PIK3C2B: variants seen among roughly 807,000 people sequenced by gnomAD.
The protein encoded by PIK3C2B is phosphatidylinositol 4-phosphate 3-kinase C2 domain-containing subunit beta.
PIK3C2B carries 83 observed loss-of-function variants against 184.3 expected under a neutral mutation model. The ratio of observed to expected loss-of-function variants is 0.45; its 90% CI spans 0.38 to 0.54. The LOEUF (loss-of-function observed/expected upper bound fraction) is 0.54. PIK3C2B is among the 20% of genes least tolerant of loss of function. The pLI is 0.00. For synonymous variants in PIK3C2B, 779 were observed against 837.6 expected (o/e 0.93, Z 1.21); for missense variants, 1,736 against 2,113.5 (o/e 0.82, Z 3.50).
At chr1:204,479,342 C>G (rs1012273386) in intron 1 of PIK3C2B, among the ~76,000 whole-genome samples, 3 of 152,030 alleles carry the variant, frequency 2.0e-5, no homozygotes, top group Non-Finnish European at 2.9e-5. Flanking sequence ...AGGGACTCCT[C>G]CAGCTTTCTT....
At chr1:204,493,524 A>AACACACACACACACACACAC (rs3038310) in intron 1 of PIK3C2B, among the ~76,000 whole-genome samples, 3,744 of 143,860 alleles carry the variant, frequency 0.026, 106 homozygotes, top group African/African-American at 0.052. Flanking sequence ...AATGGCAGAA[A>AACACACACACACACACACAC]ACACACACAC....
intron 1 of PIK3C2B, among the ~76,000 whole-genome samples, chr1:204,483,938 C>A (rs1225517400): frequency 6.6e-6 from 1 of 152,306 alleles, no homozygotes; most frequent in East Asian, 1.9e-4. Context: ...GCTGGATGAG[C>A]GACCAGGGTG....
At chr1:204,463,527 G>A (rs924899994) in intron 5 of PIK3C2B, among the ~76,000 whole-genome samples, 23 of 152,234 alleles carry the variant, frequency 1.5e-4, no homozygotes, top group Non-Finnish European at 2.2e-4. Flanking sequence ...CTAGCTGCAC[G>A]GGCCAGCTGG....
chr1:204,430,040 T>C lies in PIK3C2B; in HGVS notation c.4281-2A>G, dbSNP rs1674958332. The C allele has an allele frequency of 3.8e-6, 6 of 1,599,836 alleles. No homozygotes were observed. The highest frequency in any genetic ancestry group is 4.3e-6 in the Non-Finnish European group (5 of 1,173,472). The stretch of plus-strand genomic sequence containing the variant: ...CCGATCACGAAGCGACTAGGGAAGC[T>C]GGCGTGGCAGCGTAGGCAGCGGGGA... On this transcript the variant is annotated splice_acceptor_variant, in intron 28 of 32. Transcript: ENST00000684373. LOFTEE classifies it high-confidence loss of function.
rs147753985 is a variant in PIK3C2B, at chr1:204,427,792, C to G, written c.4481-38G>C. 1.7e-3 allele frequency: 2,509 copies of G among 1,452,310 alleles called. 2 individuals carry two copies. Among genetic ancestry groups the G allele is most frequent in the Non-Finnish European group, 2.2e-3 (2,270 of 1,034,194 alleles). The allele number at this position is 1,452,310 out of a possible 1,614,324, so 90.0% of individuals were successfully genotyped here. On this transcript the variant is annotated intron_variant, in intron 30 of 32. Transcript: ENST00000684373. ...ATGAAACCATGAAGGGTCAAGAGGC[C>G]AGGCAGGTGTTTCTGTTTTCTTCCT... is the stretch of plus-strand genomic sequence containing the variant.
In PIK3C2B at chr1:204,456,890, A is replaced by C. The variant is rs548681169; in HGVS notation, c.1747+147T>G. 2.9e-5 allele frequency: 15 copies of C among 519,450 alleles called. 2 individuals carry two copies. In the East Asian group the frequency reaches 5.4e-4, roughly 19 times the overall value. 32.2% of individuals were successfully genotyped at this position (519,450 alleles called of 1,614,324 possible). On this transcript the variant is annotated intron_variant, in intron 10 of 32. Coordinates refer to ENST00000684373, the MANE Select transcript of PIK3C2B (RefSeq NM_001377334.1). ...CATATAGGAACACACACACACACACACACACACACACACACACCCACACAC... is the reference window on the plus strand; with the variant it reads ...CATATAGGAACACACACACACACACCCACACACACACACACACCCACACAC...
At chr1:204,456,270 A>G in intron 10 of PIK3C2B, 1 of 408,866 alleles carries the variant, frequency 2.4e-6, no homozygotes, top group Non-Finnish European at 4.3e-6. Context: ...ACAATGTTAA[A>G]CATAATCCTT....
In PIK3C2B at chr1:204,455,960, G is replaced by C. The variant is rs765459487; in HGVS notation, c.1839C>G (p.Pro613=). Residue 613 remains proline (P), a synonymous_variant, in exon 11 of 33, where the codon CCC becomes CCG. Transcript: ENST00000684373. Reference sequence around the variant, plus strand: ...GGACCAGGTCATGCTTGCGGCTCCCGGGCACTGCCGTCTGGAAGTCTGCGT... The same window carrying C: ...GGACCAGGTCATGCTTGCGGCTCCCCGGCACTGCCGTCTGGAAGTCTGCGT... ...TFNADFQTAV[P]GSRKHDLVQE... is the part of the protein sequence containing the mutation. 6.8e-6 allele frequency: 11 copies of C among 1,613,972 alleles called. No homozygotes were observed. The Admixed American group carries it at 1.5e-4, about 22-fold the overall frequency.
Position 204,447,328 on chromosome 1 carries a change from T to C in PIK3C2B, c.2489+108A>G, listed in dbSNP as rs183755881. 502 of 1,074,882 alleles carry C rather than the reference T, an allele frequency of 4.7e-4. 1 individual carries two copies. In the African/African-American group the frequency reaches 6.7e-3, roughly 14 times the overall value. 66.6% of individuals were successfully genotyped at this position (1,074,882 alleles called of 1,614,324 possible). A position where few individuals can be genotyped will look rare whatever the true frequency, so the allele number is the denominator to read the frequency against. ...GGGCTGCCTCCACTTCCTGCTGAGA[T>C]GGCAATGCCCACCCCTTCCCACCTC... On this transcript the variant is annotated intron_variant, in intron 15 of 32. Coordinates refer to ENST00000684373, the MANE Select transcript of PIK3C2B (RefSeq NM_001377334.1). The surrounding 1 kb of genome is among the most constrained non-coding windows in gnomAD (Gnocchi z 4.1).
intron 20 of PIK3C2B, 31 bp downstream of exon 20, chr1:204,442,495 T>A: frequency 6.9e-7 from 1 of 1,453,948 alleles, no homozygotes; most frequent in South Asian, 1.2e-5. Flanking sequence ...GCCCTCCCAC[T>A]CTGAGAGCCC....
rs373209809 is a variant in PIK3C2B at position 204,457,061 on chromosome 1, C to A, written c.1723G>T (p.Val575Phe). Residue 575 changes from valine to phenylalanine, a missense_variant, in exon 10 of 33, where the codon GTC (valine) becomes TTC (phenylalanine). Transcript: ENST00000684373. ...CCTCGGTTTTCCCTCACAGCCAAGA[C>A]ACTGGGATCCTGTTGGGAAAAAGAA... ...MQPKIQKDPS[V>F]LAVRENREKV... 41 of 1,565,052 alleles carry A rather than the reference C, an allele frequency of 2.6e-5. No homozygotes were observed. Among genetic ancestry groups the A allele is most frequent in the Non-Finnish European group, 3.5e-5 (40 of 1,153,418 alleles).
intron 1 of PIK3C2B, among the ~76,000 whole-genome samples, chr1:204,475,131 C>T (rs1039027637): frequency 1.3e-5 from 2 of 152,156 alleles, no homozygotes; most frequent in African/African-American, 4.8e-5. Flanking sequence ...TTTCACAGAA[C>T]ATCCTGAGGG....
At position 204,449,899 on chromosome 1, in the gene PIK3C2B, C is replaced by T. The variant is rs765577338; in HGVS notation, c.2185G>A (p.Val729Met). 6.2e-7 allele frequency: 1 copy of T among 1,613,624 alleles called. No homozygotes were observed. Among genetic ancestry groups the T allele is most frequent in the Non-Finnish European group, 8.5e-7 (1 of 1,179,828 alleles). ...GTGACCCAGCCCAGGGCTTCAGGCA[C>T]CCGCCGCTGCTTATTGGCCTCTGAG... ...SSSEANKQRR[V>M]PEALGWVTTP... Residue 729 changes from valine (V) to methionine (M), a missense_variant, in exon 13 of 33, where the codon GTG becomes ATG. Val to Met is a conservative substitution (Grantham distance 21, BLOSUM62 1). Transcript: ENST00000684373.
At chr1:204,430,105 G>T in intron 28 of PIK3C2B, 67 bp from the exon 29 acceptor site, 2 of 994,082 alleles carry the variant, frequency 2.0e-6, no homozygotes, top group Admixed American at 2.0e-5. Flanking sequence ...GGACACAATG[G>T]GCTTTTTTCA....
chr1:204,482,117 G>A (rs950642374), intron 1 of PIK3C2B, among the ~76,000 whole-genome samples: 6 of 23,924 alleles, frequency 2.5e-4, no homozygotes, highest in African/African-American at 3.3e-4. Flanking sequence ...GACGGGGGGG[G>A]GGGGGGGGGT....
In PIK3C2B at chr1:204,457,848, C is replaced by T; in HGVS notation, c.1593G>A (p.Arg531=). 2 of 1,613,080 alleles carry T rather than the reference C, an allele frequency of 1.2e-6. No individual in the cohort carries two copies. Among genetic ancestry groups the T allele is most frequent in the Non-Finnish European group, 1.7e-6 (2 of 1,179,710 alleles). The change falls in exon 9 of 33, where the codon AGG becomes AGA. Residue 531 remains arginine (R), a synonymous_variant. Transcript: ENST00000684373. The part of the protein sequence containing the change: ...ADGDFPLKAD[R]VVQSVKAICN... ...AGATGGCCTTGACGGACTGGACCACCCTGTCAGCCTTCAGTGGGAAGTCTC... is the reference window on the plus strand; with the variant it reads ...AGATGGCCTTGACGGACTGGACCACTCTGTCAGCCTTCAGTGGGAAGTCTC...
chr1:204,464,222 A>G (rs1224020322), intron 4 of PIK3C2B, 90 bp from the exon 5 acceptor site: 7 of 1,445,352 alleles, frequency 4.8e-6, no homozygotes, highest in Non-Finnish European at 6.7e-6. Flanking sequence ...TTTCCAGCTA[A>G]GTATTCTCCA....
rs373168709 is a variant in PIK3C2B, at chr1:204,425,053, A to T, written c.4717-13T>A. The T allele has an allele frequency of 3.1e-6, 5 of 1,607,720 alleles. No homozygotes were observed. The African/African-American group carries it at 5.3e-5, about 17-fold the overall frequency. The stretch of plus-strand genomic sequence containing the variant: ...CATCATATACCAACTGCAAACATAG[A>T]GATGGGTGAGGGAAGTGGTGAGAGA... On this transcript the variant is annotated splice_polypyrimidine_tract_variant and intron_variant, in intron 32 of 32. Transcript: ENST00000684373.
Position 204,427,652 on chromosome 1 carries a change from C to T in PIK3C2B, c.4583G>A (p.Gly1528Asp), listed in dbSNP as rs781661095. The T allele has an allele frequency of 3.7e-6, 6 of 1,605,798 alleles. No individual in the cohort carries two copies. In the Admixed American group the frequency reaches 1.0e-4, roughly 27 times the overall value. Residue 1528 changes from glycine to aspartate, a missense_variant, in exon 31 of 33, where the codon GGC (glycine) becomes GAC (aspartate). By Grantham distance (94) the Gly-to-Asp change is moderately conservative. Around this residue, in one of 8 missense-constraint regions of PIK3C2B, gnomAD observed 95 missense variants for 164.2 expected, o/e 0.58. Transcript: ENST00000684373. ...CACGGCTGTGCAGGCACTTACCAAG[C>T]CCCGAATATGCATCACCATGATGAA... is the stretch of plus-strand genomic sequence containing the variant. The part of the protein sequence containing the change: ...KLFIMVMHIR[G>D]LQLLQDGNDP...
Sources: allele counts gnomAD v4.1 joint callset (sites outside exome capture counted in the v4.1 genomes callset), GRCh38; gene constraint gnomAD v4.1.1; regional missense constraint gnomAD v4.1.1; non-coding constraint Gnocchi (gnomAD v3.1); transcripts MANE v1.5; gene names NCBI Gene and HGNC (gene_info 2026-07-23, HGNC 2026-07-21).